Variants in EXOSC4 observed in about 807,000 individuals in gnomAD.
The protein encoded by EXOSC4 is exosome component 4.
In EXOSC4, 14 loss-of-function variants were observed where a neutral mutation model predicts 20.0. The ratio of observed to expected loss-of-function variants is 0.70; its 90% CI spans 0.46 to 1.09. EXOSC4 has a LOEUF of 1.09. Among genes scored for constraint, EXOSC4 ranks in the 50% least tolerant of loss-of-function variants. The pLI, the probability that EXOSC4 is intolerant of heterozygous loss-of-function variation, is 0.00. For missense variants in EXOSC4, 337 were observed against 334.0 expected (o/e 1.01, Z -0.07); for synonymous variants, 148 against 146.4 (o/e 1.01, Z -0.08).
chr8:144,071,730 A>T, the EXOSC4 span, among the ~76,000 whole-genome samples: 2 of 151,884 alleles, frequency 1.3e-5, no homozygotes, highest in Non-Finnish European at 2.9e-5. Context: ...TGATCCCAGC[A>T]CTTTAGGAGG....
At chr8:144,070,934 A>C in the EXOSC4 span, among the ~76,000 whole-genome samples, 1 of 152,014 alleles carries the variant, frequency 6.6e-6, no homozygotes, top group African/African-American at 2.4e-5. Flanking sequence ...TGAGCGCTAA[A>C]CTAGGCTGAC....
the EXOSC4 span, among the ~76,000 whole-genome samples, chr8:144,069,851 G>C: frequency 6.6e-6 from 1 of 152,248 alleles, no homozygotes; most frequent in African/African-American, 2.4e-5. Context: ...GTTCCCCCAA[G>C]GGAGTGCCCC....
At chr8:144,074,269 C>T (rs1342500009), upstream of EXOSC4, among the ~76,000 whole-genome samples, 1 of 152,210 alleles carries the variant, frequency 6.6e-6, no homozygotes, top group African/African-American at 2.4e-5. Flanking sequence ...CATCAGTTAC[C>T]CCCTCCCCTG....
upstream of EXOSC4, among the ~76,000 whole-genome samples, chr8:144,075,619 T>G (rs1835830010): frequency 6.6e-6 from 1 of 152,148 alleles, no homozygotes; most frequent in Non-Finnish European, 1.5e-5. Context: ...GTGATCCGCC[T>G]GCCTCTGCCT....
intron 1 of EXOSC4, 150 bp downstream of exon 1, chr8:144,079,049 C>T (rs1227856668): frequency 2.2e-6 from 2 of 921,806 alleles, no homozygotes; most frequent in African/African-American, 1.7e-5. Flanking sequence ...TCGGAGTAAA[C>T]GCAAGTCCTT....
In EXOSC4 at chr8:144,080,377, G is replaced by A. The variant is rs539358141; in HGVS notation, c.514G>A (p.Asp172Asn). Residue 172 changes from aspartate to asparagine, a missense_variant, in exon 3 of 3, where the codon GAC becomes AAC. Transcript: ENST00000316052. This position sits in a 1 kb window ranked among gnomAD's most constrained non-coding sequence, Gnocchi z 4.9. Reference protein sequence around the residue: ...AGFVDGTALADLSHVEEAAGG... With the variant: ...AGFVDGTALANLSHVEEAAGG... Reference sequence around the variant, plus strand: ...CTTCGTGGACGGCACAGCCCTGGCGGACCTCAGCCATGTGGAGGAAGCAGC... The same window carrying A: ...CTTCGTGGACGGCACAGCCCTGGCGAACCTCAGCCATGTGGAGGAAGCAGC... 16 of 1,612,414 alleles carry A rather than the reference G, an allele frequency of 9.9e-6. No individual in the cohort carries two copies. In the African/African-American group the frequency reaches 2.0e-4, roughly 20 times the overall value.
rs572024698 is a variant in EXOSC4 at position 144,078,695 on chromosome 8, A to C, written c.-34A>C. Reference sequence around the variant, plus strand: ...CTGTAGTTCTCCCGCGGCTCAGAGAAGTAGGCAGAGAGCGGACCTGGCGGC... The same window carrying C: ...CTGTAGTTCTCCCGCGGCTCAGAGACGTAGGCAGAGAGCGGACCTGGCGGC... On this transcript the variant is annotated 5_prime_UTR_variant, in exon 1 of 3. Coordinates refer to ENST00000316052, the MANE Select transcript of EXOSC4 (RefSeq NM_019037.3). This position sits in a 1 kb window ranked among gnomAD's most constrained non-coding sequence, Gnocchi z 4.7. The C allele has an allele frequency of 1.4e-5, 19 of 1,379,356 alleles. No homozygotes were observed. Among genetic ancestry groups the C allele is most frequent in the Non-Finnish European group, 1.6e-5 (17 of 1,060,560 alleles). 85.4% of individuals were successfully genotyped at this position (1,379,356 alleles called of 1,614,324 possible).
the EXOSC4 span, among the ~76,000 whole-genome samples, chr8:144,072,636 A>G: frequency 6.6e-6 from 1 of 152,162 alleles, no homozygotes; most frequent in East Asian, 1.9e-4. Context: ...TAGCTCCCAC[A>G]TGTGAGTGAG....
At chr8:144,079,872 C>G in intron 1 of EXOSC4, 71 bp from the exon 2 acceptor site, 1 of 1,436,860 alleles carries the variant, frequency 7.0e-7, no homozygotes, top group Non-Finnish European at 9.8e-7. Flanking sequence ...GAGGGAGAGG[C>G]AGACCCACAG....
the EXOSC4 span, among the ~76,000 whole-genome samples, chr8:144,070,700 C>T: frequency 1.1e-4 from 17 of 150,410 alleles, no homozygotes; most frequent in South Asian, 4.2e-4. Flanking sequence ...TGGTGGCGCA[C>T]GCCTGCAATC....
chr8:144,078,869 G>C lies in EXOSC4; in HGVS notation c.141G>C (p.Lys47Asn). ...GSAYIEQGNT[K>N]ALAVVYGPHE... The stretch of plus-strand genomic sequence containing the variant: ...CCTACATTGAGCAGGGCAACACCAA[G>C]GCACTGGCTGTGGTCTACGGCCCGC... Residue 47 changes from lysine (K) to asparagine (N), a missense_variant, in exon 1 of 3, where the codon AAG becomes AAC. Physicochemically the swap from Lys to Asn is moderately conservative, Grantham distance 94 (BLOSUM62 0). Transcript: ENST00000316052. This position sits in a 1 kb window ranked among gnomAD's most constrained non-coding sequence, Gnocchi z 4.7. The C allele has an allele frequency of 6.5e-7, 1 of 1,534,380 alleles. No individual in the cohort carries two copies. Among genetic ancestry groups the C allele is most frequent in the Non-Finnish European group, 8.8e-7 (1 of 1,140,060 alleles).
chr8:144,078,768 G>GT lies in EXOSC4; in HGVS notation c.41dup (p.Asp15GlyfsTer22). On this transcript the variant is annotated frameshift_variant, in exon 1 of 3. Coordinates refer to ENST00000316052, the MANE Select transcript of EXOSC4 (RefSeq NM_019037.3). LOFTEE classifies it high-confidence loss of function. This position sits in a 1 kb window ranked among gnomAD's most constrained non-coding sequence, Gnocchi z 4.7. ...GCTCTTGTCGGACCAGGGCTACCGG[G>GT]TGGACGGGCGGCGCGCCGGGGAGCT... 6.5e-7 allele frequency: 1 copy of GT among 1,535,576 alleles called. No homozygotes were observed. The highest frequency in any genetic ancestry group is 8.7e-7 in the Non-Finnish European group (1 of 1,143,694).
upstream of EXOSC4, among the ~76,000 whole-genome samples, chr8:144,073,963 A>G (rs1587582442): frequency 1.3e-5 from 2 of 152,070 alleles, no homozygotes; most frequent in African/African-American, 4.8e-5. Flanking sequence ...GAATAGTGGC[A>G]CAGTCTGCTG....
chr8:144,069,780 T>A, the EXOSC4 span, among the ~76,000 whole-genome samples: 1 of 152,242 alleles, frequency 6.6e-6, no homozygotes, highest in African/African-American at 2.4e-5. Flanking sequence ...CAGCAAAGGA[T>A]GGAGCTGCTT....
rs200357319 is a variant in EXOSC4, at chr8:144,080,164, G to A, written c.378+15G>A. On this transcript the variant is annotated intron_variant, in intron 2 of 2. Coordinates refer to ENST00000316052, the MANE Select transcript of EXOSC4 (RefSeq NM_019037.3). This position sits in a 1 kb window ranked among gnomAD's most constrained non-coding sequence, Gnocchi z 4.9. ...TCTATGTGCAGGTGAGCCAGCTGCA[G>A]CCGTCAATCCAGGGAGGGAAGGGTG... 9.8e-5 allele frequency: 158 copies of A among 1,608,326 alleles called. 4 individuals carry two copies. In the South Asian group the frequency reaches 1.6e-3, roughly 17 times the overall value.
At chr8:144,075,287 T>C (rs149565011), upstream of EXOSC4, among the ~76,000 whole-genome samples, 7,773 of 151,136 alleles carry the variant, frequency 0.051, 719 homozygotes, top group African/African-American at 0.18. Context: ...AGTGCAGTGG[T>C]GCGATTTCGG....
the EXOSC4 span, among the ~76,000 whole-genome samples, chr8:144,066,909 G>A: frequency 6.6e-6 from 1 of 152,060 alleles, no homozygotes; most frequent in Non-Finnish European, 1.5e-5. Context: ...CCAACGTGAA[G>A]AAACCCCGTC....
chr8:144,079,850 G>A (rs1835877927), intron 1 of EXOSC4, 93 bp from the exon 2 acceptor site: 1 of 1,206,180 alleles, frequency 8.3e-7, no homozygotes, highest in Non-Finnish European at 1.2e-6. Flanking sequence ...CCTTGCTGAG[G>A]CATTGAAAGT....
At chr8:144,077,661 C>A (rs1311883137), upstream of EXOSC4, among the ~76,000 whole-genome samples, 4 of 152,240 alleles carry the variant, frequency 2.6e-5, no homozygotes, top group Non-Finnish European at 4.4e-5. Context: ...ACTGCCTTGA[C>A]CCACAGAGTG....
Sources: allele counts gnomAD v4.1 joint callset (sites outside exome capture counted in the v4.1 genomes callset), GRCh38; gene constraint gnomAD v4.1.1; non-coding constraint Gnocchi (gnomAD v3.1); transcripts MANE v1.5; gene names NCBI Gene and HGNC (gene_info 2026-07-23, HGNC 2026-07-21).